Variants in WDR27 observed in about 807,000 individuals in gnomAD.
WDR27 encodes WD repeat domain 27, also known as WD repeat-containing protein 27.
A neutral mutation model predicts 114.4 loss-of-function variants in WDR27; 100 were observed. The ratio of observed to expected loss-of-function variants is 0.87; its 90% CI spans 0.74 to 1.03. WDR27 has a LOEUF of 1.03. Ranked by LOEUF, WDR27 falls within the 50% of genes least tolerant of loss-of-function variation. The pLI is 0.00. For synonymous variants in WDR27, 449 were observed against 423.1 expected (o/e 1.06, Z -0.75); for missense variants, 1,129 against 1,092.9 (o/e 1.03, Z -0.47).
intron 21 of WDR27, among the ~76,000 whole-genome samples, chr6:169,622,347 A>G (rs542636339): frequency 2.8e-4 from 42 of 152,220 alleles, no homozygotes; most frequent in African/African-American, 8.4e-4. Flanking sequence ...GGGCAAAATA[A>G]ACTTTCCAGT....
chr6:169,603,880 T>C (rs1043429264), intron 22 of WDR27, among the ~76,000 whole-genome samples: 6 of 152,182 alleles, frequency 3.9e-5, no homozygotes, highest in Non-Finnish European at 8.8e-5. Flanking sequence ...TTGGACTGGG[T>C]TCAGGAGAAA....
At chr6:169,647,545 T>C (rs1348734661) in intron 16 of WDR27, 7 of 611,102 alleles carry the variant, frequency 1.1e-5, no homozygotes, top group Non-Finnish European at 1.8e-5. Context: ...TGAGTGCCAG[T>C]GTCTGTGCCC....
intron 24 of WDR27, among the ~76,000 whole-genome samples, chr6:169,576,065 C>T (rs1359757059): frequency 5.3e-5 from 8 of 151,526 alleles, no homozygotes; most frequent in African/African-American, 9.7e-5. Context: ...TTTGGAGTAA[C>T]GGGCCTGCTT....
At chr6:169,613,365 T>C (rs1409783995) in intron 22 of WDR27, among the ~76,000 whole-genome samples, 194 bp downstream of exon 22, 1 of 152,208 alleles carries the variant, frequency 6.6e-6, no homozygotes, top group Non-Finnish European at 1.5e-5. Flanking sequence ...CTAAGCCACA[T>C]ATAGCAGAGA....
At chr6:169,513,700 A>ACTT (rs1176968016) in intron 25 of WDR27, among the ~76,000 whole-genome samples, 7 of 67,874 alleles carry the variant, frequency 1.0e-4, no homozygotes, top group South Asian at 5.8e-4. Flanking sequence ...ATTTATAAGT[A>ACTT]ATTACTTATA....
the WDR27 span, among the ~76,000 whole-genome samples, chr6:169,446,751 A>G: frequency 1.3e-5 from 2 of 152,218 alleles, no homozygotes; most frequent in African/African-American, 4.8e-5. Flanking sequence ...AATTGGCTAC[A>G]AGAATTTCCT....
At chr6:169,526,543 G>A (rs1011641685) in intron 25 of WDR27, among the ~76,000 whole-genome samples, 1 of 152,090 alleles carries the variant, frequency 6.6e-6, no homozygotes, top group Non-Finnish European at 1.5e-5. Flanking sequence ...AACCTGGGAG[G>A]CAGAGGTTGC....
rs1049210095 is a variant in WDR27 at position 169,701,718 on chromosome 6, T to A, written c.-175A>T. 1 of 206,884 alleles carries A rather than the reference T, an allele frequency of 4.8e-6. No homozygotes were observed. Among genetic ancestry groups the A allele is most frequent in the African/African-American group, 2.4e-5 (1 of 41,626 alleles). 12.8% of individuals were successfully genotyped at this position (206,884 alleles called of 1,614,324 possible). A position where few individuals can be genotyped will look rare whatever the true frequency, so the allele number is the denominator to read the frequency against. On this transcript the variant is annotated 5_prime_UTR_variant, in exon 1 of 26. Coordinates refer to ENST00000448612, the MANE Select transcript of WDR27 (RefSeq NM_182552.5). ...GGGTGACGAGACAGCGGGCAACGGC[T>A]CTGGTCCAGAGCGCGCGTGTCCGCC...
intron 2 of WDR27, among the ~76,000 whole-genome samples, chr6:169,682,592 G>A (rs1055090415): frequency 6.6e-6 from 1 of 152,216 alleles, no homozygotes; most frequent in African/African-American, 2.4e-5. Flanking sequence ...AAGGCCCTCT[G>A]AAGAAGGACA....
At chr6:169,616,305 T>C (rs1811812302) in intron 21 of WDR27, among the ~76,000 whole-genome samples, 1 of 152,072 alleles carries the variant, frequency 6.6e-6, no homozygotes. Context: ...CTGGCCAACA[T>C]GGTGAAACCC....
At chr6:169,586,095 T>C (rs1428281775) in intron 23 of WDR27, among the ~76,000 whole-genome samples, 1 of 152,346 alleles carries the variant, frequency 6.6e-6, no homozygotes, top group Non-Finnish European at 1.5e-5. Context: ...GCTTCTTCCA[T>C]GTCTTCTTCC....
chr6:169,514,145 T>C (rs1440604642), intron 25 of WDR27, among the ~76,000 whole-genome samples: 1 of 152,072 alleles, frequency 6.6e-6, no homozygotes, highest in African/African-American at 2.4e-5. Context: ...AAGACTATTG[T>C]AAGAATATAT....
At chr6:169,553,215 T>A (rs1032570559) in intron 25 of WDR27, among the ~76,000 whole-genome samples, 7 of 151,906 alleles carry the variant, frequency 4.6e-5, no homozygotes, top group Non-Finnish European at 7.4e-5. Flanking sequence ...AGCACCAGAG[T>A]CCTGGCTGTC....
At chr6:169,562,320 T>C (rs1411540402) in intron 25 of WDR27, among the ~76,000 whole-genome samples, 1 of 152,244 alleles carries the variant, frequency 6.6e-6, no homozygotes, top group East Asian at 1.9e-4. Flanking sequence ...CATGTGGTAT[T>C]AAATTGGAAA....
At chr6:169,653,688 A>C (rs1271349026) in intron 13 of WDR27, among the ~76,000 whole-genome samples, 4 of 152,224 alleles carry the variant, frequency 2.6e-5, no homozygotes, top group Non-Finnish European at 4.4e-5. Flanking sequence ...GAAACGCCAC[A>C]AAAGCCAGAA....
chr6:169,667,634 G>C lies in WDR27; in HGVS notation c.660+348C>G, dbSNP rs149566600. On this transcript the variant is annotated intron_variant, in intron 5 of 25. Coordinates refer to ENST00000448612, the MANE Select transcript of WDR27 (RefSeq NM_182552.5). ...CCATTTTCTTCTAGAGCCTCATTTTGTGCCGACTGAACCCTCCACACCCTG... is the reference window on the plus strand; with the variant it reads ...CCATTTTCTTCTAGAGCCTCATTTTCTGCCGACTGAACCCTCCACACCCTG... Among the ~76,000 whole-genome samples the C allele has an allele frequency of 1.9e-3, 296 of 152,286 alleles. 2 individuals carry two copies. The highest frequency in any genetic ancestry group is 6.8e-3 in the African/African-American group (282 of 41,558).
intron 25 of WDR27, among the ~76,000 whole-genome samples, chr6:169,499,262 ACAG>A: frequency 6.6e-6 from 1 of 152,364 alleles, no homozygotes; most frequent in South Asian, 2.1e-4. Context: ...CCGAGGGTGC[ACAG>A]CAGAAGGCTA....
At chr6:169,495,039 T>A (rs759202987) in intron 25 of WDR27, among the ~76,000 whole-genome samples, 9 of 151,998 alleles carry the variant, frequency 5.9e-5, no homozygotes, top group Admixed American at 1.3e-4. Context: ...ATTTAATAAG[T>A]GAATCTTGTA....
At chr6:169,468,377 G>A (rs754746578) in intron 25 of WDR27, among the ~76,000 whole-genome samples, 2 of 152,178 alleles carry the variant, frequency 1.3e-5, no homozygotes, top group African/African-American at 4.8e-5. Flanking sequence ...GTGCTGGGGA[G>A]GCCTCAGGAA....
Sources: allele counts gnomAD v4.1 joint callset (sites outside exome capture counted in the v4.1 genomes callset), GRCh38; gene constraint gnomAD v4.1.1; transcripts MANE v1.5; gene names NCBI Gene and HGNC (gene_info 2026-07-23, HGNC 2026-07-21).